Variants in SLCO5A1 observed in about 807,000 individuals in gnomAD.
The protein encoded by SLCO5A1 is organic anion transporter polypeptide-related protein 4.
Under a neutral mutation model 65.1 loss-of-function variants are expected in SLCO5A1, and 39 were observed. The observed-to-expected ratio is 0.60, with a 90% confidence interval of 0.46 to 0.78. The LOEUF (loss-of-function observed/expected upper bound fraction) is 0.78, where lower values mean the gene tolerates loss of function less well. SLCO5A1 is among the 30% of genes least tolerant of loss of function. The pLI is 0.00. For synonymous variants in SLCO5A1, 438 were observed against 415.7 expected (o/e 1.05, Z -0.65); for missense variants, 1,029 against 1,069.4 (o/e 0.96, Z 0.53).
chr8:69,710,296 G>A (rs1278142359), intron 5 of SLCO5A1, among the ~76,000 whole-genome samples: 2 of 152,134 alleles, frequency 1.3e-5, no homozygotes, highest in Non-Finnish European at 2.9e-5. Context: ...TGGGATTACA[G>A]GAGTGAGCCA....
chr8:69,826,907 A>G (rs1454025259), intron 2 of SLCO5A1, among the ~76,000 whole-genome samples: 2 of 152,164 alleles, frequency 1.3e-5, no homozygotes, highest in Admixed American at 1.3e-4. Context: ...CAAATGTCCA[A>G]CAATGATAGA....
chr8:69,820,366 C>T (rs1353400757), intron 2 of SLCO5A1, among the ~76,000 whole-genome samples: 3 of 152,218 alleles, frequency 2.0e-5, no homozygotes, highest in African/African-American at 7.2e-5. Context: ...TAACTCAAGA[C>T]AAAGAAACCC....
chr8:69,690,682 G>A (rs1814222429), intron 6 of SLCO5A1, among the ~76,000 whole-genome samples: 2 of 152,166 alleles, frequency 1.3e-5, no homozygotes, highest in African/African-American at 4.8e-5. Flanking sequence ...GGGCAATAAA[G>A]CTATATTCAG....
At chr8:69,677,244 C>T (rs1162110470) in intron 8 of SLCO5A1, among the ~76,000 whole-genome samples, 1 of 152,050 alleles carries the variant, frequency 6.6e-6, no homozygotes, top group Non-Finnish European at 1.5e-5. Context: ...TTTTTAAAAA[C>T]TTATACTCCA....
chr8:69,797,994 A>G (rs1367364176), intron 2 of SLCO5A1, among the ~76,000 whole-genome samples: 4 of 152,336 alleles, frequency 2.6e-5, no homozygotes, highest in Non-Finnish European at 4.4e-5. Flanking sequence ...CTCAGGGGGA[A>G]TCACGGAACC....
chr8:69,755,572 T>C lies in SLCO5A1; in HGVS notation c.1110A>G (p.Lys370=). 1 of 1,614,092 alleles carries C rather than the reference T, an allele frequency of 6.2e-7. No homozygotes were observed. The highest frequency in any genetic ancestry group is 8.5e-7 in the Non-Finnish European group (1 of 1,179,998). Residue 370 remains lysine (K), a synonymous_variant, in exon 4 of 10, where the codon AAA becomes AAG. Transcript: ENST00000260126. ...LVIFPMFTFP[K]KLPPRHKKKK... is the part of the protein sequence containing the mutation. ...TTTTCTTGTGTCGAGGTGGAAGCTT[T>C]TTTGGGAAAGTAAACATTGGGAATA...
At chr8:69,680,920 G>A (rs1813740588) in intron 7 of SLCO5A1, among the ~76,000 whole-genome samples, 1 of 152,086 alleles carries the variant, frequency 6.6e-6, no homozygotes, top group African/African-American at 2.4e-5. Context: ...TGCAACCTTT[G>A]AATACTTGAA....
At chr8:69,690,709 A>G (rs2933068) in intron 6 of SLCO5A1, among the ~76,000 whole-genome samples, 14,609 of 152,218 alleles carry the variant, frequency 0.096, 911 homozygotes, top group African/African-American at 0.17. Context: ...TACTTTAGGG[A>G]AATATTTCGG....
chr8:69,770,021 TTCA>T (rs1421720729), intron 2 of SLCO5A1, among the ~76,000 whole-genome samples: 1 of 152,238 alleles, frequency 6.6e-6, no homozygotes, highest in East Asian at 1.9e-4. Flanking sequence ...TATTCATGTA[TTCA>T]TCTACTGTAT....
chr8:69,781,120 C>T (rs1489912822), intron 2 of SLCO5A1, among the ~76,000 whole-genome samples: 4 of 152,212 alleles, frequency 2.6e-5, no homozygotes, highest in Admixed American at 2.6e-4. Flanking sequence ...CTTCAACTTA[C>T]CTCCTGGGAA....
chr8:69,682,584 C>T (rs1813831518), intron 6 of SLCO5A1, among the ~76,000 whole-genome samples: 1 of 152,196 alleles, frequency 6.6e-6, no homozygotes, highest in South Asian at 2.1e-4. Flanking sequence ...TACTGCCCCA[C>T]ATCAATTTCA....
intron 4 of SLCO5A1, among the ~76,000 whole-genome samples, chr8:69,740,719 AG>A (rs1816756904): frequency 1.3e-5 from 2 of 152,220 alleles, no homozygotes; most frequent in South Asian, 4.1e-4. Context: ...AGATAAGCCT[AG>A]AAAATCTTGT....
chr8:69,784,009 A>C (rs1818909527), intron 2 of SLCO5A1, among the ~76,000 whole-genome samples: 1 of 152,194 alleles, frequency 6.6e-6, no homozygotes, highest in Non-Finnish European at 1.5e-5. Flanking sequence ...CAGGGAATAC[A>C]CGGGAAATCT....
At chr8:69,692,987 T>C (rs1814339409) in intron 6 of SLCO5A1, among the ~76,000 whole-genome samples, 1 of 152,234 alleles carries the variant, frequency 6.6e-6, no homozygotes, top group African/African-American at 2.4e-5. Context: ...ACATGTGCTG[T>C]ACTATTGAAG....
Position 69,767,167 on chromosome 8 carries a change from G to A in SLCO5A1, c.908-5292C>T, listed in dbSNP as rs2130869521. Among the ~76,000 whole-genome samples, 3 of 152,258 alleles carry A rather than the reference G, an allele frequency of 2.0e-5. No individual in the cohort carries two copies. The South Asian group carries it at 6.2e-4, about 32-fold the overall frequency. On this transcript the variant is annotated intron_variant, in intron 2 of 9. Transcript: ENST00000260126. ...ACCAGTAATATAAACACAAATAGAA[G>A]TCCCAATCTGTCCTTCCTGCACCCC...
intron 3 of SLCO5A1, among the ~76,000 whole-genome samples, chr8:69,761,150 C>T (rs1817754608): frequency 6.6e-6 from 1 of 152,176 alleles, no homozygotes; most frequent in African/African-American, 2.4e-5. Context: ...CACCCCAATC[C>T]TAAAGAATGT....
At chr8:69,718,461 T>C (rs182731300) in intron 5 of SLCO5A1, among the ~76,000 whole-genome samples, 2 of 152,354 alleles carry the variant, frequency 1.3e-5, no homozygotes, top group Admixed American at 1.3e-4. Context: ...CATCCTTTCC[T>C]TGTTCTGATC....
At chr8:69,740,436 G>A (rs1348765308) in intron 4 of SLCO5A1, among the ~76,000 whole-genome samples, 1 of 152,178 alleles carries the variant, frequency 6.6e-6, no homozygotes, top group Non-Finnish European at 1.5e-5. Context: ...TGGAACTGGA[G>A]GTACTGGTAT....
intron 2 of SLCO5A1, among the ~76,000 whole-genome samples, chr8:69,765,537 G>A (rs1818024609): frequency 1.3e-5 from 2 of 152,048 alleles, no homozygotes; most frequent in Non-Finnish European, 2.9e-5. Flanking sequence ...TAACATTAGT[G>A]GATTAACCAA....
Sources: allele counts gnomAD v4.1 joint callset (sites outside exome capture counted in the v4.1 genomes callset), GRCh38; gene constraint gnomAD v4.1.1; transcripts MANE v1.5; gene names NCBI Gene and HGNC (gene_info 2026-07-23, HGNC 2026-07-21).